Variants in JMY observed in about 807,000 individuals in gnomAD.
The protein encoded by JMY is junction-mediating and -regulatory protein.
In JMY, 46 loss-of-function variants were observed where a neutral mutation model predicts 103.3. That is an observed-to-expected ratio of 0.45 (90% CI 0.35 to 0.57). The LOEUF (loss-of-function observed/expected upper bound fraction) is 0.57. JMY is among the 20% of genes least tolerant of loss of function. The pLI is 0.00. For missense variants in JMY, 1,238 were observed against 1,255.2 expected, an observed-to-expected ratio of 0.99 and a Z score of 0.21; for synonymous variants, 526 against 489.3, an observed-to-expected ratio of 1.07 and a Z score of -0.99.
intron 6 of JMY, among the ~76,000 whole-genome samples, chr5:79,301,431 C>T (rs191172014): frequency 7.2e-5 from 11 of 152,286 alleles, no homozygotes; most frequent in East Asian, 3.9e-4. Flanking sequence ...GGTACTGATT[C>T]GCTTTAAGCT....
At chr5:79,309,001 T>C (rs564122165) in intron 7 of JMY, among the ~76,000 whole-genome samples, 2 of 152,306 alleles carry the variant, frequency 1.3e-5, no homozygotes, top group African/African-American at 4.8e-5. Flanking sequence ...CTCCAGTTGT[T>C]CATTGCTGGT....
In JMY at chr5:79,272,884, C is replaced by T. The variant is rs1226370058; in HGVS notation, c.1033-5026C>T. The stretch of plus-strand genomic sequence containing the variant: ...CTCCCAACCTCAAGTGATCCACCTG[C>T]CTCGGCCTCCCAAAGTGCTGGGATT... On this transcript the variant is annotated intron_variant, in intron 1 of 10. Coordinates refer to ENST00000396137, the MANE Select transcript of JMY (RefSeq NM_152405.5). Among the ~76,000 whole-genome samples the T allele has an allele frequency of 2.6e-5, 4 of 152,320 alleles. No individual in the cohort carries two copies. In the East Asian group the frequency reaches 5.8e-4, roughly 22 times the overall value.
chr5:79,285,432 G>A (rs962309506), intron 2 of JMY, among the ~76,000 whole-genome samples: 1 of 152,250 alleles, frequency 6.6e-6, no homozygotes, highest in East Asian at 1.9e-4. Context: ...ATTGTGCAGG[G>A]TGCAGTTTTT....
Position 79,314,402 on chromosome 5 carries a change from T to G in JMY, c.2210T>G (p.Val737Gly). 9 of 1,613,754 alleles carry G rather than the reference T, an allele frequency of 5.6e-6. No individual in the cohort carries two copies. Among genetic ancestry groups the G allele is most frequent in the Non-Finnish European group, 7.6e-6 (9 of 1,179,942 alleles). Residue 737 changes from valine to glycine, a missense_variant, in exon 9 of 11, where the codon GTG (valine) becomes GGG (glycine). Physicochemically the swap from Val to Gly is moderately radical, Grantham distance 109 (BLOSUM62 -3). Transcript: ENST00000396137. Reference protein sequence around the residue: ...VLQVEEKTEEVGEGRVKRGPS... With the variant: ...VLQVEEKTEEGGEGRVKRGPS... ...CAGGTAGAAGAGAAAACTGAAGAGGTGGGAGAAGGAAGAGTCAAGCGTGGG... is the reference window on the plus strand; with the variant it reads ...CAGGTAGAAGAGAAAACTGAAGAGGGGGGAGAAGGAAGAGTCAAGCGTGGG...
At position 79,280,598 on chromosome 5, in the gene JMY, T is replaced by C. The variant is rs370339104; in HGVS notation, c.1206+2515T>C. 5.9e-5 allele frequency among the ~76,000 whole-genome samples: 9 copies of C among 152,198 alleles called. No individual in the cohort carries two copies. In the East Asian group the frequency reaches 7.7e-4, roughly 13 times the overall value. ...GATCCTACTTGTGAATTTGCAGATA[T>C]AAGTTTTTGTTAGCCAACAACTAGA... On this transcript the variant is annotated intron_variant, in intron 2 of 10. Coordinates refer to ENST00000396137, the MANE Select transcript of JMY (RefSeq NM_152405.5).
At position 79,237,329 on chromosome 5, in the gene JMY, T is replaced by G; in HGVS notation, c.679T>G (p.Cys227Gly). 6.3e-7 allele frequency: 1 copy of G among 1,589,518 alleles called. No individual in the cohort carries two copies. The highest frequency in any genetic ancestry group is 8.6e-7 in the Non-Finnish European group (1 of 1,168,994). The change falls in exon 1 of 11, where the codon TGC becomes GGC. Residue 227 changes from cysteine to glycine, a missense_variant. Transcript: ENST00000396137. ...ATELESPAEE[C>G]SWAGLFSFQD... ...CGAGCTGGAGTCTCCGGCCGAAGAG[T>G]GCAGCTGGGCCGGACTGTTTTCTTT...
intron 1 of JMY, among the ~76,000 whole-genome samples, chr5:79,248,824 G>A (rs921821049): frequency 6.6e-6 from 1 of 152,020 alleles, no homozygotes; most frequent in African/African-American, 2.4e-5. Context: ...GTGCCGTCAT[G>A]GCTCACTGTA....
At position 79,314,636 on chromosome 5, in the gene JMY, C is replaced by CCCCCACA; in HGVS notation, c.2444_2445insCCCCACA (p.Pro817ThrfsTer16). On this transcript the variant is annotated frameshift_variant, in exon 9 of 11. Coordinates refer to ENST00000396137, the MANE Select transcript of JMY (RefSeq NM_152405.5). LOFTEE classifies it high-confidence loss of function. Reference sequence around the variant, plus strand: ...CTTCCTCCAACACCACCACCTCCCCCACCTCCTCCCCCTCCCCCACCACCA... The same window carrying CCCCCACA: ...CTTCCTCCAACACCACCACCTCCCCCCCCCACAACCTCCTCCCCCTCCCCCACCACCA... 5 of 1,502,538 alleles carry CCCCCACA rather than the reference C, an allele frequency of 3.3e-6. No homozygotes were observed. The highest frequency in any genetic ancestry group is 1.4e-5 in the African/African-American group (1 of 70,368). 93.1% of individuals were successfully genotyped at this position (1,502,538 alleles called of 1,614,324 possible).
chr5:79,314,250 A>G lies in JMY; in HGVS notation c.2065-7A>G, dbSNP rs746388037. The G allele has an allele frequency of 6.3e-7, 1 of 1,597,022 alleles. No individual in the cohort carries two copies. Among genetic ancestry groups the G allele is most frequent in the Non-Finnish European group, 8.5e-7 (1 of 1,173,270 alleles). On this transcript the variant is annotated splice_region_variant and splice_polypyrimidine_tract_variant and intron_variant, in intron 8 of 10. Coordinates refer to ENST00000396137, the MANE Select transcript of JMY (RefSeq NM_152405.5). ...TTAACCAGTTCCAATAACTTCTGGT[A>G]TTTTAGAGGTATCCTGGGCAAGTCA...
chr5:79,295,975 A>T (rs1038459827), intron 4 of JMY, among the ~76,000 whole-genome samples: 1 of 152,210 alleles, frequency 6.6e-6, no homozygotes, highest in Non-Finnish European at 1.5e-5. Flanking sequence ...CCCTGTCCTT[A>T]GTGCTTTATG....
chr5:79,270,655 T>C (rs1011037179), intron 1 of JMY, among the ~76,000 whole-genome samples: 1 of 146,350 alleles, frequency 6.8e-6, no homozygotes, highest in Admixed American at 6.9e-5. Context: ...ATATAAAATA[T>C]ATATTTACAT....
intron 1 of JMY, among the ~76,000 whole-genome samples, chr5:79,244,856 T>C (rs1306334450): frequency 2.0e-5 from 3 of 149,564 alleles, no homozygotes; most frequent in Non-Finnish European, 4.4e-5. Flanking sequence ...TTGGTAGAGA[T>C]AGTGAAGTTC....
At chr5:79,277,322 A>G (rs1476218562) in intron 1 of JMY, among the ~76,000 whole-genome samples, 3 of 151,962 alleles carry the variant, frequency 2.0e-5, no homozygotes, top group East Asian at 1.9e-4. Context: ...TTTTCATTCT[A>G]CTAGATAGCA....
chr5:79,271,184 C>T (rs1435629601), intron 1 of JMY, among the ~76,000 whole-genome samples: 1 of 151,236 alleles, frequency 6.6e-6, no homozygotes, highest in African/African-American at 2.4e-5. Flanking sequence ...TCCCACCACA[C>T]CTGGCTATTT....
Position 79,301,201 on chromosome 5 carries a change from ATTG to A in JMY, c.1881+341_1881+343del, listed in dbSNP as rs1746723129. On this transcript the variant is annotated intron_variant, in intron 6 of 10. Coordinates refer to ENST00000396137, the MANE Select transcript of JMY (RefSeq NM_152405.5). The stretch of plus-strand genomic sequence containing the variant: ...ATTCTGACCTTAAAGAATTTTATAG[ATTG>A]TTATTTCTTTATTTAACTTTGATTA... Among the ~76,000 whole-genome samples, 3 of 152,254 alleles carry A rather than the reference ATTG, an allele frequency of 2.0e-5. No homozygotes were observed. In the South Asian group the frequency reaches 6.2e-4, roughly 32 times the overall value.
chr5:79,304,567 T>C (rs1439439445), intron 6 of JMY, among the ~76,000 whole-genome samples: 2 of 152,178 alleles, frequency 1.3e-5, no homozygotes, highest in Admixed American at 1.3e-4. Context: ...TCTTTAATTC[T>C]CCCAGTAGTC....
intron 1 of JMY, among the ~76,000 whole-genome samples, chr5:79,240,560 C>T (rs537589810): frequency 2.6e-5 from 4 of 152,286 alleles, no homozygotes; most frequent in Admixed American, 2.0e-4. Context: ...CTAACTGCCT[C>T]GGCCTCCCAA....
chr5:79,298,047 G>A (rs1164909587), intron 4 of JMY, among the ~76,000 whole-genome samples: 3 of 152,224 alleles, frequency 2.0e-5, no homozygotes, highest in Non-Finnish European at 2.9e-5. Flanking sequence ...TGTCACTGGG[G>A]GACTTTCAAC....
Position 79,236,487 on chromosome 5 carries a change from C to T in JMY, c.-164C>T, listed in dbSNP as rs1744497072. The T allele has an allele frequency of 2.1e-6, 1 of 465,592 alleles. No homozygotes were observed. The highest frequency in any genetic ancestry group is 3.6e-6 in the Non-Finnish European group (1 of 279,654). 28.8% of individuals were successfully genotyped at this position (465,592 alleles called of 1,614,324 possible). On this transcript the variant is annotated 5_prime_UTR_variant, in exon 1 of 11. Transcript: ENST00000396137. ...CCGCGCCACAAAGGAGCTCGGCGGT[C>T]GGGGCGCGGAGGGACAGGCGAACGA...
Sources: gnomAD v4.1 joint callset for allele counts (sites outside exome capture counted in the v4.1 genomes callset) on GRCh38, gnomAD v4.1.1 for gene constraint, MANE v1.5 for transcripts, NCBI Gene and HGNC (gene_info 2026-07-23, HGNC 2026-07-21) for gene names.